Variants in NRIP1 observed in about 807,000 individuals in gnomAD.
The protein encoded by NRIP1 is nuclear receptor interacting protein 1.
Under a neutral mutation model 75.0 loss-of-function variants are expected in NRIP1, and 28 were observed. The ratio of observed to expected loss-of-function variants is 0.37; its 90% CI spans 0.28 to 0.51. The LOEUF (loss-of-function observed/expected upper bound fraction) is 0.51. NRIP1 is among the 20% of genes least tolerant of loss of function. The pLI is 0.92. For missense variants in NRIP1, 1,435 were observed against 1,343.7 expected (o/e 1.07, Z -1.06); for synonymous variants, 526 against 487.6 (o/e 1.08, Z -1.04).
chr21:14,962,640 C>CA lies in NRIP1; in HGVS notation c.*2075dup, dbSNP rs1318616356. The CA allele has an allele frequency of 2.0e-5, 3 of 152,376 alleles. No individual in the cohort carries two copies. Among genetic ancestry groups the CA allele is most frequent in the African/African-American group, 7.2e-5 (3 of 41,394 alleles). 9.4% of individuals were successfully genotyped at this position (152,376 alleles called of 1,614,324 possible). ...TATATAGTGTTGACAATAAGATTGT[C>CA]ATAGTATGGACATGGAATAGAATAT... On this transcript the variant is annotated 3_prime_UTR_variant, in exon 4 of 4. Transcript: ENST00000318948.
chr21:15,015,869 TAACA>T (rs1371456330), intron 2 of NRIP1, among the ~76,000 whole-genome samples: 1 of 152,186 alleles, frequency 6.6e-6, no homozygotes, highest in Non-Finnish European at 1.5e-5. Flanking sequence ...ATTATTTTTC[TAACA>T]AACACCACAA....
chr21:14,972,364 CTAAA>C (rs1197615034), intron 3 of NRIP1, among the ~76,000 whole-genome samples: 2 of 152,086 alleles, frequency 1.3e-5, no homozygotes, highest in African/African-American at 4.8e-5. Context: ...AGGCACGATA[CTAAA>C]TAGTACAGCT....
At chr21:15,059,965 ATTC>A (rs1169970518) in intron 1 of NRIP1, among the ~76,000 whole-genome samples, 4 of 152,142 alleles carry the variant, frequency 2.6e-5, no homozygotes, top group African/African-American at 9.7e-5. Flanking sequence ...ACTCTTTCCT[ATTC>A]TTCTGATTTA....
chr21:15,019,891 C>T (rs1295697158), intron 2 of NRIP1, among the ~76,000 whole-genome samples: 1 of 152,056 alleles, frequency 6.6e-6, no homozygotes, highest in East Asian at 1.9e-4. Context: ...CAGCCAGGCA[C>T]GGTGGCTCAC....
At chr21:15,014,586 AT>A (rs2088181454) in intron 2 of NRIP1, 120 bp from the exon 3 acceptor site, 2 of 396,564 alleles carry the variant, frequency 5.0e-6, no homozygotes, top group East Asian at 7.2e-5. Context: ...AAAAGTAGTC[AT>A]TTGACAGAAA....
At chr21:15,033,255 A>G (rs1289774412) in intron 2 of NRIP1, among the ~76,000 whole-genome samples, 1 of 151,416 alleles carries the variant, frequency 6.6e-6, no homozygotes, top group African/African-American at 2.4e-5. Context: ...ACTGCATACT[A>G]TGTGCCAGGA....
chr21:14,966,366 T>A lies in NRIP1; in HGVS notation c.1827A>T (p.Pro609=). The part of the protein sequence containing the change: ...SMDLTKSKDP[P]GEKPAQNEGA... The stretch of plus-strand genomic sequence containing the variant: ...CTTCATTTTGGGCTGGTTTCTCTCC[T>A]GGTGGGTCTTTGCTTTTTGTAAGGT... The change falls in exon 4 of 4, where the codon CCA becomes CCT. Residue 609 remains proline (P), a synonymous_variant. Coordinates refer to ENST00000318948, the MANE Select transcript of NRIP1 (RefSeq NM_003489.4). 6.2e-7 allele frequency: 1 copy of A among 1,614,078 alleles called. No homozygotes were observed. The highest frequency in any genetic ancestry group is 1.1e-5 in the South Asian group (1 of 91,068).
intron 2 of NRIP1, among the ~76,000 whole-genome samples, chr21:15,038,899 G>A (rs748680747): frequency 1.3e-5 from 2 of 151,976 alleles, no homozygotes; most frequent in South Asian, 2.1e-4. Context: ...TATTAGTAAC[G>A]AACGCAACAG....
At chr21:15,028,885 T>G (rs945769353) in intron 2 of NRIP1, among the ~76,000 whole-genome samples, 1 of 152,168 alleles carries the variant, frequency 6.6e-6, no homozygotes, top group African/African-American at 2.4e-5. Context: ...GACATCCCCA[T>G]TTGGAGGTCT....
chr21:14,961,462 C>T lies in NRIP1; in HGVS notation c.*3254G>A, dbSNP rs2086589258. 6.6e-6 allele frequency: 1 copy of T among 152,218 alleles called. No homozygotes were observed. The highest frequency in any genetic ancestry group is 1.5e-5 in the Non-Finnish European group (1 of 67,858). The allele number at this position is 152,218 out of a possible 1,614,324, so 9.4% of individuals were successfully genotyped here. ...CTATGAATGGTAATGTGCCTATATT[C>T]CAGTATTGCTAATACTGGGATACTC... On this transcript the variant is annotated 3_prime_UTR_variant, in exon 4 of 4. Coordinates refer to ENST00000318948, the MANE Select transcript of NRIP1 (RefSeq NM_003489.4).
chr21:14,999,116 C>T (rs1034146482), intron 3 of NRIP1, among the ~76,000 whole-genome samples: 4 of 151,766 alleles, frequency 2.6e-5, no homozygotes, highest in East Asian at 3.9e-4. Context: ...GCAATCCTCT[C>T]GCCTCAACCT....
At chr21:15,004,464 T>G (rs1427448380) in intron 3 of NRIP1, among the ~76,000 whole-genome samples, 4 of 152,268 alleles carry the variant, frequency 2.6e-5, no homozygotes, top group African/African-American at 7.2e-5. Context: ...GCTCCAATCC[T>G]GCAGAGGTGA....
intron 1 of NRIP1, among the ~76,000 whole-genome samples, chr21:15,045,664 C>A (rs1753686482): frequency 6.6e-6 from 1 of 152,192 alleles, no homozygotes; most frequent in African/African-American, 2.4e-5. Flanking sequence ...TTCTTCCTTT[C>A]ACAGAATAAT....
chr21:15,064,849 C>T lies in NRIP1; in HGVS notation c.-642G>A, dbSNP rs1460705618. 2 of 148,164 alleles carry T rather than the reference C, an allele frequency of 1.3e-5. No homozygotes were observed. Among genetic ancestry groups the T allele is most frequent in the Admixed American group, 1.3e-4 (2 of 14,916 alleles). The allele number at this position is 148,164 out of a possible 1,614,324, so 9.2% of individuals were successfully genotyped here. ...CGCCCCGGCGAGCTCTTCCCTCCGA[C>T]CAGCGGCGCTCACGGCGCAGCGGCG... On this transcript the variant is annotated 5_prime_UTR_variant, in exon 1 of 4. Coordinates refer to ENST00000318948, the MANE Select transcript of NRIP1 (RefSeq NM_003489.4).
At chr21:15,017,003 AAAG>A (rs966224339) in intron 2 of NRIP1, among the ~76,000 whole-genome samples, 5 of 151,792 alleles carry the variant, frequency 3.3e-5, no homozygotes, top group African/African-American at 9.7e-5. Flanking sequence ...AAGAAAAAGA[AAAG>A]AATGAAGGAA....
At chr21:15,030,359 A>G (rs2088615438) in intron 2 of NRIP1, among the ~76,000 whole-genome samples, 1 of 152,214 alleles carries the variant, frequency 6.6e-6, no homozygotes, top group Admixed American at 6.5e-5. Context: ...GTTTTTACGA[A>G]TATTCACACA....
At chr21:15,010,823 G>A (rs758212447) in intron 3 of NRIP1, among the ~76,000 whole-genome samples, 3 of 152,166 alleles carry the variant, frequency 2.0e-5, no homozygotes, top group African/African-American at 7.2e-5. Context: ...GGCTGGCTGT[G>A]AGAAAGGGAA....
At chr21:14,972,990 T>C (rs1173993269) in intron 3 of NRIP1, among the ~76,000 whole-genome samples, 1 of 152,204 alleles carries the variant, frequency 6.6e-6, no homozygotes, top group Non-Finnish European at 1.5e-5. Context: ...TTCAGAGAAT[T>C]GCAATTAATG....
In NRIP1 at chr21:15,029,504, A is replaced by C. The variant is rs1274901217; in HGVS notation, c.-458+13991T>G. ...CTCTTTGCTTCAATTTTTATTTAGC[A>C]CTTAATAAGATACCATAAATTGAAT... On this transcript the variant is annotated intron_variant, in intron 2 of 3. Transcript: ENST00000318948. 2.6e-5 allele frequency among the ~76,000 whole-genome samples: 4 copies of C among 152,300 alleles called. No individual in the cohort carries two copies. The East Asian group carries it at 7.7e-4, about 29-fold the overall frequency.
Sources: allele counts gnomAD v4.1 joint callset (sites outside exome capture counted in the v4.1 genomes callset), GRCh38; gene constraint gnomAD v4.1.1; transcripts MANE v1.5; gene names NCBI Gene and HGNC (gene_info 2026-07-23, HGNC 2026-07-21).